The following TMPO variants were observed in gnomAD, a reference collection of about 807,000 sequenced individuals.
TMPO encodes the protein thymopoietin.
In TMPO, 22 loss-of-function variants were observed where a neutral mutation model predicts 45.4. The observed-to-expected ratio is 0.48, with a 90% CI of 0.35 to 0.69. The LOEUF is 0.69. Ranked by LOEUF, TMPO falls within the 30% of genes least tolerant of loss-of-function variation. The pLI, the probability that TMPO is intolerant of heterozygous loss-of-function variation, is 0.01. For synonymous variants in TMPO, 241 were observed against 204.1 expected (o/e 1.18, Z -1.54); for missense variants, 512 against 548.8 (o/e 0.93, Z 0.67).
chr12:98,518,433 C>T (rs573212941), intron 1 of TMPO, among the ~76,000 whole-genome samples: 3 of 146,158 alleles, frequency 2.1e-5, no homozygotes, highest in East Asian at 2.0e-4. Context: ...GCAAGGGCAA[C>T]GGGGCATGCA....
intron 3 of TMPO, 120 bp from the exon 4 acceptor site, chr12:98,537,355 A>G (rs1592949889): frequency 1.3e-6 from 1 of 749,932 alleles, no homozygotes; most frequent in East Asian, 2.7e-5. Flanking sequence ...AGGTATTACC[A>G]GTAGACTTGT....
At position 98,521,100 on chromosome 12, in the gene TMPO, ATTTTTTT is replaced by A. The variant is rs398044704; in HGVS notation, c.279+4973_279+4979del. On this transcript the variant is annotated intron_variant, in intron 1 of 8. Coordinates refer to ENST00000556029, the MANE Select transcript of TMPO (RefSeq NM_001032283.3). The stretch of plus-strand genomic sequence containing the variant: ...CTATTTAATCATGGGTTTATGAGGA[ATTTTTTT>A]TTTTTTTTTTTTTTTTTTGAGACGG... 6.5e-5 allele frequency among the ~76,000 whole-genome samples: 5 copies of A among 76,770 alleles called. 1 individual carries two copies. Among genetic ancestry groups the A allele is most frequent in the South Asian group, 8.9e-4 (2 of 2,258 alleles). The allele number at this position is 76,770 out of a possible 152,430, so 50.4% of individuals were successfully genotyped here.
chr12:98,538,972 G>A (rs534479578), intron 4 of TMPO, among the ~76,000 whole-genome samples: 10 of 152,066 alleles, frequency 6.6e-5, no homozygotes, highest in Non-Finnish European at 1.0e-4. Flanking sequence ...AGGCCGAGGC[G>A]GGCGGATCAC....
Position 98,519,621 on chromosome 12 carries a change from T to C in TMPO, c.279+3475T>C, listed in dbSNP as rs529143046. ...TACTTCATAATTACAGGTTTAAATG[T>C]CTTCTACCTGGAGTATTTAAAACTC... On this transcript the variant is annotated intron_variant, in intron 1 of 8. Coordinates refer to ENST00000556029, the MANE Select transcript of TMPO (RefSeq NM_001032283.3). 5.9e-5 allele frequency among the ~76,000 whole-genome samples: 9 copies of C among 152,358 alleles called. No homozygotes were observed. In the East Asian group the frequency reaches 1.7e-3, roughly 29 times the overall value.
intron 3 of TMPO, chr12:98,533,439 TG>T (rs775509450): frequency 6.2e-7 from 1 of 1,614,196 alleles, no homozygotes; most frequent in Admixed American, 1.7e-5. Context: ...GTAGTTTGCC[TG>T]GAACTTCTAA....
At chr12:98,522,033 T>G (rs1325203750) in intron 1 of TMPO, among the ~76,000 whole-genome samples, 1 of 151,748 alleles carries the variant, frequency 6.6e-6, no homozygotes, top group Non-Finnish European at 1.5e-5. Context: ...CCTGTCTGTG[T>G]GTTTGTTTGT....
chr12:98,524,411 A>C (rs948626838), intron 1 of TMPO, among the ~76,000 whole-genome samples: 2 of 152,060 alleles, frequency 1.3e-5, no homozygotes, highest in Non-Finnish European at 2.9e-5. Flanking sequence ...GTCTCTACTG[A>C]AAGTACAAAA....
intron 1 of TMPO, among the ~76,000 whole-genome samples, chr12:98,523,317 G>GC (rs1322640257): frequency 6.6e-6 from 1 of 152,144 alleles, no homozygotes; most frequent in African/African-American, 2.4e-5. Context: ...ACTTTGGGAG[G>GC]CCGAGGCAGG....
At chr12:98,533,877 C>T in intron 3 of TMPO, 2 of 1,614,172 alleles carry the variant, frequency 1.2e-6, no homozygotes, top group Non-Finnish European at 1.7e-6. Flanking sequence ...ATGATGAAAT[C>T]CTAGGGTTTA....
chr12:98,527,567 CA>C (rs1343570381), intron 1 of TMPO: 5 of 215,518 alleles, frequency 2.3e-5, no homozygotes, highest in Non-Finnish European at 4.6e-5. Context: ...AAATGTTACC[CA>C]AAGTCAGTTT....
chr12:98,537,298 GAA>G (rs1273619290), intron 3 of TMPO, among the ~76,000 whole-genome samples, 175 bp from the exon 4 acceptor site: 2 of 152,164 alleles, frequency 1.3e-5, no homozygotes, highest in Non-Finnish European at 2.9e-5. Flanking sequence ...GATAAATAAT[GAA>G]ACAGTTTTCA....
At chr12:98,541,053 GTTC>G (rs1877887097) in intron 4 of TMPO, among the ~76,000 whole-genome samples, 1 of 152,004 alleles carries the variant, frequency 6.6e-6, no homozygotes, top group East Asian at 1.9e-4. Flanking sequence ...CTTTTTTGAT[GTTC>G]ACATTGTGCC....
rs1485933551 is a variant in TMPO, at chr12:98,547,931, G to T, written c.*73G>T. 3 of 1,521,442 alleles carry T rather than the reference G, an allele frequency of 2.0e-6. No homozygotes were observed. The highest frequency in any genetic ancestry group is 3.6e-5 in the Admixed American group (2 of 55,380). 94.2% of individuals were successfully genotyped at this position (1,521,442 alleles called of 1,614,324 possible). A position where few individuals can be genotyped will look rare whatever the true frequency, so the allele number is the denominator to read the frequency against. On this transcript the variant is annotated 3_prime_UTR_variant, in exon 9 of 9. Coordinates refer to ENST00000556029, the MANE Select transcript of TMPO (RefSeq NM_001032283.3). Reference sequence around the variant, plus strand: ...TGTTGAAAAACATTTGTGTACACTTGTTGACTCCAAGAACTAAAAATAATG... The same window carrying T: ...TGTTGAAAAACATTTGTGTACACTTTTTGACTCCAAGAACTAAAAATAATG...
In TMPO at chr12:98,532,824, AAAG is replaced by A. The variant is rs1370409052; in HGVS notation, c.565+992_565+994del. On this transcript the variant is annotated intron_variant, in intron 3 of 8. Coordinates refer to ENST00000556029, the MANE Select transcript of TMPO (RefSeq NM_001032283.3). ...TTCCTGCCTCTTTTGCCTCTACAGGAAAGAAGAAAGAACACAAGAAAGTGAAGT... is the reference window on the plus strand; with the variant it reads ...TTCCTGCCTCTTTTGCCTCTACAGGAAAGAAAGAACACAAGAAAGTGAAGT... 1.2e-6 allele frequency: 2 copies of A among 1,614,082 alleles called. No individual in the cohort carries two copies. The highest frequency in any genetic ancestry group is 2.7e-5 in the African/African-American group (2 of 74,938).
chr12:98,520,621 TCTTTTTTC>T (rs558528403), intron 1 of TMPO, among the ~76,000 whole-genome samples: 103 of 150,416 alleles, frequency 6.8e-4, no homozygotes, highest in Admixed American at 2.7e-3. Flanking sequence ...AGGTCTTATT[TCTTTTTTC>T]CTTTTTTTTT....
chr12:98,520,310 T>TTCCTTCCTTCATTCCTTCCTTCC (rs755914522), intron 1 of TMPO, among the ~76,000 whole-genome samples: 1 of 99,478 alleles, frequency 1.0e-5, no homozygotes, highest in Non-Finnish European at 2.2e-5. Flanking sequence ...TCCTTCCTTC[T>TTCCTTCCTTCATTCCTTCCTTCC]GTGTGTGTGA....
At chr12:98,523,417 G>T (rs1876526717) in intron 1 of TMPO, among the ~76,000 whole-genome samples, 1 of 151,978 alleles carries the variant, frequency 6.6e-6, no homozygotes, top group East Asian at 1.9e-4. Context: ...AGTTAGTCGG[G>T]TATGGTGTTG....
chr12:98,541,446 ATGT>A (rs1173802486), intron 4 of TMPO, among the ~76,000 whole-genome samples: 1 of 152,228 alleles, frequency 6.6e-6, no homozygotes, highest in Non-Finnish European at 1.5e-5. Flanking sequence ...TCTTCAAATG[ATGT>A]TGTTACTTAT....
At chr12:98,539,323 T>C (rs1877767992) in intron 4 of TMPO, among the ~76,000 whole-genome samples, 1 of 152,000 alleles carries the variant, frequency 6.6e-6, no homozygotes, top group Non-Finnish European at 1.5e-5. Flanking sequence ...ACAGGCAGAA[T>C]TAGACAGTGG....
Sources: allele counts gnomAD v4.1 joint callset (sites outside exome capture counted in the v4.1 genomes callset), GRCh38; gene constraint gnomAD v4.1.1; transcripts MANE v1.5; gene names NCBI Gene and HGNC (gene_info 2026-07-23, HGNC 2026-07-21).